Variants in GREB1L observed in about 807,000 individuals in gnomAD.
The protein encoded by GREB1L is GREB1 like retinoic acid receptor coactivator.
A neutral mutation model predicts 200.8 loss-of-function variants in GREB1L; 17 were observed. The ratio of observed to expected loss-of-function variants is 0.08; its 90% CI spans 0.06 to 0.13. GREB1L has a LOEUF of 0.13. Ranked by LOEUF, GREB1L falls within the 10% of genes least tolerant of loss-of-function variation. The probability of loss-of-function intolerance (pLI) is 1.00; values close to 1 mark genes in which losing one functional copy is unlikely to be tolerated. For synonymous variants in GREB1L, 789 were observed against 893.0 expected (o/e 0.88, Z 2.08); for missense variants, 1,657 against 2,367.7 (o/e 0.70, Z 6.23).
intron 7 of GREB1L, among the ~76,000 whole-genome samples, chr18:21,422,289 C>G (rs1460682830): frequency 1.3e-5 from 2 of 152,066 alleles, no homozygotes; most frequent in Non-Finnish European, 2.9e-5. Context: ...GGGGCTACTC[C>G]CAAATAATCA....
intron 1 of GREB1L, among the ~76,000 whole-genome samples, chr18:21,345,853 C>T (rs1284722677): frequency 7.3e-6 from 1 of 137,916 alleles, no homozygotes; most frequent in Non-Finnish European, 1.5e-5. Flanking sequence ...GCCTTGGGGA[C>T]AGAGTGAGAC....
At chr18:21,516,498 C>T in intron 29 of GREB1L, 115 bp from the exon 30 acceptor site, 1 of 1,029,608 alleles carries the variant, frequency 9.7e-7, no homozygotes, top group Non-Finnish European at 1.4e-6. Flanking sequence ...TCCACAAAAG[C>T]ATGGTTGATT....
chr18:21,295,748 G>A (rs2038516842), intron 1 of GREB1L, among the ~76,000 whole-genome samples: 1 of 152,190 alleles, frequency 6.6e-6, no homozygotes, highest in Non-Finnish European at 1.5e-5. Flanking sequence ...AGGAGGGCAG[G>A]ACTTACCTGA....
At chr18:21,477,437 T>C in intron 17 of GREB1L, 81 bp downstream of exon 17, 1 of 1,087,884 alleles carries the variant, frequency 9.2e-7, no homozygotes, top group Non-Finnish European at 1.3e-6. Context: ...AAATGTGTCA[T>C]GGCTTAAGAC....
At chr18:21,483,299 C>T (rs2035994617) in intron 17 of GREB1L, among the ~76,000 whole-genome samples, 1 of 152,158 alleles carries the variant, frequency 6.6e-6, no homozygotes, top group African/African-American at 2.4e-5. Context: ...ACGTGAAGAC[C>T]AAGTACACAC....
rs1257796477 is a variant in GREB1L, at chr18:21,524,960, G to C, written c.*2139G>C. On this transcript the variant is annotated 3_prime_UTR_variant, in exon 33 of 33. Coordinates refer to ENST00000424526, the MANE Select transcript of GREB1L (RefSeq NM_001142966.3). ...ATCAGTATAATTCTTGAGTATGTTA[G>C]GTCCTTCTTTAAGGATAAAATTGCA... The C allele has an allele frequency of 2.0e-5, 3 of 150,292 alleles. No individual in the cohort carries two copies. The highest frequency in any genetic ancestry group is 7.3e-5 in the African/African-American group (3 of 40,954). 9.3% of individuals were successfully genotyped at this position (150,292 alleles called of 1,614,324 possible). A position where few individuals can be genotyped will look rare whatever the true frequency, so the allele number is the denominator to read the frequency against.
At chr18:21,497,819 C>A (rs1341611451) in intron 21 of GREB1L, among the ~76,000 whole-genome samples, 3 of 126,000 alleles carry the variant, frequency 2.4e-5, no homozygotes, top group Non-Finnish European at 5.2e-5. Context: ...CCACCCCCCC[C>A]CCTTTTTTTT....
At chr18:21,481,069 T>A (rs2035895575) in intron 17 of GREB1L, among the ~76,000 whole-genome samples, 1 of 152,230 alleles carries the variant, frequency 6.6e-6, no homozygotes, top group South Asian at 2.1e-4. Context: ...AGTACATATC[T>A]AAGTCACTAT....
intron 25 of GREB1L, among the ~76,000 whole-genome samples, chr18:21,506,289 G>A (rs975962887): frequency 1.3e-5 from 2 of 152,096 alleles, no homozygotes; most frequent in East Asian, 3.9e-4. Flanking sequence ...CAGCTACTCA[G>A]GAGGCTGAGG....
intron 30 of GREB1L, 58 bp from the exon 31 acceptor site, chr18:21,517,976 C>T: frequency 7.5e-7 from 1 of 1,330,872 alleles, no homozygotes; most frequent in South Asian, 1.3e-5. Context: ...AGTGTTTCCT[C>T]ACCTGTTTAA....
chr18:21,357,938 A>G (rs1052826757), intron 1 of GREB1L, among the ~76,000 whole-genome samples: 3 of 152,086 alleles, frequency 2.0e-5, no homozygotes, highest in Non-Finnish European at 4.4e-5. Context: ...TGCTTTGGCT[A>G]TTTGGGGTCT....
intron 4 of GREB1L, among the ~76,000 whole-genome samples, chr18:21,391,694 A>G (rs1286960085): frequency 6.6e-6 from 1 of 152,222 alleles, no homozygotes; most frequent in Non-Finnish European, 1.5e-5. Flanking sequence ...AATGTCTCTT[A>G]TAATAGTGTG....
intron 1 of GREB1L, among the ~76,000 whole-genome samples, chr18:21,268,412 T>G (rs2038007110): frequency 6.7e-6 from 1 of 150,246 alleles, no homozygotes; most frequent in Non-Finnish European, 1.5e-5. Flanking sequence ...TCTTCTTGCT[T>G]GAAGTCCCCT....
At chr18:21,434,399 C>A (rs529889717) in intron 7 of GREB1L, among the ~76,000 whole-genome samples, 1 of 151,124 alleles carries the variant, frequency 6.6e-6, no homozygotes, top group South Asian at 2.1e-4. Flanking sequence ...TCTCTTGAAC[C>A]CAGGAGGAAG....
At chr18:21,398,311 C>G (rs538394868) in intron 5 of GREB1L, among the ~76,000 whole-genome samples, 9 of 152,276 alleles carry the variant, frequency 5.9e-5, no homozygotes, top group African/African-American at 2.2e-4. Flanking sequence ...GGGCCATTAA[C>G]GCCTACCTTG....
chr18:21,337,366 A>C (rs181267567), intron 1 of GREB1L, among the ~76,000 whole-genome samples: 1 of 152,262 alleles, frequency 6.6e-6, no homozygotes, highest in Admixed American at 6.5e-5. Context: ...AATTGTGTTT[A>C]GTATTCTTGT....
intron 1 of GREB1L, among the ~76,000 whole-genome samples, chr18:21,268,520 T>TACACACAC (rs1223067944): frequency 1.4e-3 from 102 of 74,926 alleles, no homozygotes; most frequent in Non-Finnish European, 2.0e-3. Context: ...TGTATATATA[T>TACACACAC]ATACACACAC....
intron 1 of GREB1L, among the ~76,000 whole-genome samples, chr18:21,286,012 T>C (rs2038349938): frequency 6.6e-6 from 1 of 152,186 alleles, no homozygotes; most frequent in South Asian, 2.1e-4. Context: ...TATTTTCTTT[T>C]GAACTTGGAA....
intron 1 of GREB1L, among the ~76,000 whole-genome samples, chr18:21,327,339 C>T (rs190950134): frequency 6.6e-6 from 1 of 152,228 alleles, no homozygotes; most frequent in Non-Finnish European, 1.5e-5. Flanking sequence ...CTAGGCTTCC[C>T]TCCCTTCCTC....
Sources: gnomAD v4.1 joint callset for allele counts (sites outside exome capture counted in the v4.1 genomes callset) on GRCh38, gnomAD v4.1.1 for gene constraint, MANE v1.5 for transcripts, NCBI Gene and HGNC (gene_info 2026-07-23, HGNC 2026-07-21) for gene names.